Variants in TACR3 observed in about 807,000 individuals in gnomAD.
TACR3 encodes neuromedin-K receptor.
TACR3 carries 34 observed loss-of-function variants against 35.0 expected under a neutral mutation model. That is an observed-to-expected ratio of 0.97 (90% CI 0.74 to 1.30). The LOEUF is 1.30. TACR3 is among the 50% of genes most tolerant of loss of function. The pLI is 0.00. For synonymous variants in TACR3, 233 were observed against 221.1 expected (o/e 1.05, Z -0.48); for missense variants, 558 against 591.7 (o/e 0.94, Z 0.59).
intron 1 of TACR3, among the ~76,000 whole-genome samples, chr4:103,714,260 A>G (rs1400489095): frequency 6.6e-6 from 1 of 152,116 alleles, no homozygotes; most frequent in Non-Finnish European, 1.5e-5. Flanking sequence ...TATAACCTTG[A>G]TATCAGCCGG....
At chr4:103,691,725 C>T (rs578060045) in intron 1 of TACR3, among the ~76,000 whole-genome samples, 2 of 152,272 alleles carry the variant, frequency 1.3e-5, no homozygotes, top group African/African-American at 4.8e-5. Flanking sequence ...GAACACCCGG[C>T]CTGCCCAGGG....
chr4:103,702,810 C>A (rs111785030), intron 1 of TACR3, among the ~76,000 whole-genome samples: 6,446 of 147,550 alleles, frequency 0.044, 164 homozygotes, highest in Non-Finnish European at 0.05. Flanking sequence ...GACAAAAAAC[C>A]AAACATCACA....
At chr4:103,705,728 A>G (rs1722772947) in intron 1 of TACR3, among the ~76,000 whole-genome samples, 1 of 152,176 alleles carries the variant, frequency 6.6e-6, no homozygotes. Flanking sequence ...TTGGAAGAAG[A>G]GAATTTGAGG....
chr4:103,679,281 T>C (rs751158803), intron 1 of TACR3, among the ~76,000 whole-genome samples: 13 of 152,082 alleles, frequency 8.5e-5, no homozygotes, highest in Non-Finnish European at 1.5e-4. Context: ...AGTCATACTT[T>C]CTGAGTAGAA....
chr4:103,636,332 C>T lies in TACR3; in HGVS notation c.888+19862G>A, dbSNP rs139132971. On this transcript the variant is annotated intron_variant, in intron 3 of 4. Coordinates refer to ENST00000304883, the MANE Select transcript of TACR3 (RefSeq NM_001059.3). ...ACAGATTTTACCTCAGTGCATCTCA[C>T]TTTGGTAAGTATGTGCAGTCCCAGC... Among the ~76,000 whole-genome samples, 46 of 149,794 alleles carry T rather than the reference C, an allele frequency of 3.1e-4. 1 individual carries two copies. The East Asian group carries it at 8.4e-3, about 27-fold the overall frequency.
At chr4:103,711,210 T>C (rs1722949295) in intron 1 of TACR3, among the ~76,000 whole-genome samples, 1 of 152,138 alleles carries the variant, frequency 6.6e-6, no homozygotes, top group Non-Finnish European at 1.5e-5. Flanking sequence ...TTTAGACCAA[T>C]ATCCCTGATG....
At chr4:103,602,847 T>TAA (rs903790745) in intron 3 of TACR3, among the ~76,000 whole-genome samples, 29 of 152,320 alleles carry the variant, frequency 1.9e-4, no homozygotes, top group African/African-American at 7.0e-4. Context: ...GGGAGCCACT[T>TAA]AAGGAGGCAG....
intron 3 of TACR3, among the ~76,000 whole-genome samples, chr4:103,599,668 C>T (rs997622607): frequency 1.1e-4 from 16 of 152,080 alleles, no homozygotes; most frequent in Admixed American, 2.6e-4. Context: ...GCATGAAGTG[C>T]TGTTGAATTT....
At chr4:103,642,511 A>G (rs1291050139) in intron 3 of TACR3, among the ~76,000 whole-genome samples, 2 of 151,862 alleles carry the variant, frequency 1.3e-5, no homozygotes, top group African/African-American at 4.8e-5. Flanking sequence ...TTGCAGCAAC[A>G]TAGATGGAAC....
At chr4:103,637,498 A>G (rs1371025965) in intron 3 of TACR3, among the ~76,000 whole-genome samples, 6 of 152,122 alleles carry the variant, frequency 3.9e-5, no homozygotes, top group African/African-American at 1.4e-4. Flanking sequence ...AATGGGCAAA[A>G]ACTGGAAGCA....
intron 1 of TACR3, among the ~76,000 whole-genome samples, chr4:103,712,048 T>C (rs2110231553): frequency 6.6e-6 from 1 of 152,196 alleles, no homozygotes; most frequent in East Asian, 1.9e-4. Context: ...AGAATCAATA[T>C]TGTGAAAATG....
chr4:103,599,238 T>C (rs967708002), intron 3 of TACR3, among the ~76,000 whole-genome samples: 2 of 152,006 alleles, frequency 1.3e-5, no homozygotes, highest in Non-Finnish European at 2.9e-5. Context: ...AGTTCACTCA[T>C]GATTTGGCTC....
At chr4:103,616,554 C>T (rs2110300847) in intron 3 of TACR3, among the ~76,000 whole-genome samples, 2 of 152,126 alleles carry the variant, frequency 1.3e-5, no homozygotes, top group Middle Eastern at 6.8e-3. Context: ...CCCTAATTTT[C>T]CCAGGTGTAT....
chr4:103,608,059 T>G (rs1327885132), intron 3 of TACR3, among the ~76,000 whole-genome samples: 1 of 152,074 alleles, frequency 6.6e-6, no homozygotes, highest in Non-Finnish European at 1.5e-5. Flanking sequence ...TATTATTGGA[T>G]ACATACCTAA....
At chr4:103,596,660 T>A (rs965927598) in intron 3 of TACR3, among the ~76,000 whole-genome samples, 5 of 152,124 alleles carry the variant, frequency 3.3e-5, no homozygotes, top group Non-Finnish European at 7.4e-5. Flanking sequence ...ATGTGCAGGT[T>A]TGTTACATAT....
intron 3 of TACR3, chr4:103,624,542 A>C (rs1724849465): frequency 6.6e-6 from 1 of 152,188 alleles, no homozygotes; most frequent in African/African-American, 2.4e-5. Flanking sequence ...TAAAGTATAT[A>C]GGTGTATAGA....
chr4:103,630,661 C>T (rs931097115), intron 3 of TACR3, among the ~76,000 whole-genome samples: 1 of 152,010 alleles, frequency 6.6e-6, no homozygotes, highest in Non-Finnish European at 1.5e-5. Context: ...GAATGGTGAT[C>T]GTTAAAAAGT....
chr4:103,589,853 C>T lies in TACR3; in HGVS notation c.1227G>A (p.Met409Ile), dbSNP rs1723855054. The T allele has an allele frequency of 1.2e-6, 2 of 1,613,810 alleles. No individual in the cohort carries two copies. The highest frequency in any genetic ancestry group is 1.7e-6 in the Non-Finnish European group (2 of 1,179,880). Residue 409 changes from methionine (M) to isoleucine (I), a missense_variant, in exon 5 of 5, where the codon ATG becomes ATA. By Grantham distance (10) the Met-to-Ile change is conservative (BLOSUM62 1). Coordinates refer to ENST00000304883, the MANE Select transcript of TACR3 (RefSeq NM_001059.3). Reference protein sequence around the residue: ...SMYTVTRMESMTVVFDPNDAD... With the variant: ...SMYTVTRMESITVVFDPNDAD... ...CATCGTTGGGGTCAAACACGACTGTCATGGACTCCATTCTGGTCACGGTGT... is the reference window on the plus strand; with the variant it reads ...CATCGTTGGGGTCAAACACGACTGTTATGGACTCCATTCTGGTCACGGTGT...
chr4:103,615,398 T>TGTGTGA (rs367881970), intron 3 of TACR3, among the ~76,000 whole-genome samples: 37 of 117,228 alleles, frequency 3.2e-4, no homozygotes, highest in African/African-American at 7.5e-4. Context: ...TGTGTGTGTG[T>TGTGTGA]GAGAGAGAGA....
Sources: gnomAD v4.1 joint callset for allele counts (sites outside exome capture counted in the v4.1 genomes callset) on GRCh38, gnomAD v4.1.1 for gene constraint, MANE v1.5 for transcripts, NCBI Gene and HGNC (gene_info 2026-07-23, HGNC 2026-07-21) for gene names.